CLCA2: variants seen among roughly 807,000 people sequenced by gnomAD.
CLCA2 encodes the protein chloride channel accessory 2.
CLCA2 carries 85 observed loss-of-function variants against 82.9 expected under a neutral mutation model. That is an observed-to-expected ratio of 1.03 (90% CI 0.86 to 1.23). The LOEUF (loss-of-function observed/expected upper bound fraction) is 1.23. Among genes scored for constraint, CLCA2 ranks in the 50% most tolerant of loss-of-function variants. CLCA2 has a pLI of 0.00. For synonymous variants in CLCA2, 421 were observed against 391.7 expected (o/e 1.07, Z -0.88); for missense variants, 1,089 against 1,124.8 (o/e 0.97, Z 0.45).
intron 10 of CLCA2, among the ~76,000 whole-genome samples, chr1:86,446,250 C>T (rs1034937131): frequency 1.5e-5 from 2 of 136,012 alleles, no homozygotes; most frequent in African/African-American, 5.4e-5. Flanking sequence ...GATGGAGTCT[C>T]GCTCTGTCAC....
chr1:86,428,651 C>T, intron 3 of CLCA2, 83 bp downstream of exon 3: 1 of 1,485,924 alleles, frequency 6.7e-7, no homozygotes, highest in African/African-American at 1.4e-5. Flanking sequence ...GACTCACTCA[C>T]AAAACCTGAA....
intron 11 of CLCA2, among the ~76,000 whole-genome samples, chr1:86,448,627 C>A (rs940086366): frequency 5.3e-5 from 8 of 152,202 alleles, no homozygotes; most frequent in Non-Finnish European, 1.2e-4. Context: ...TATTCTTTTG[C>A]CCTGTTGTTT....
intron 6 of CLCA2, among the ~76,000 whole-genome samples, chr1:86,437,864 CA>C (rs1558108702): frequency 6.6e-6 from 1 of 151,562 alleles, no homozygotes; most frequent in African/African-American, 2.4e-5. Flanking sequence ...AGTGCTTACT[CA>C]GTATCCATTT....
In CLCA2 at chr1:86,455,692, G is replaced by A. The variant is rs1663064002; in HGVS notation, c.*165G>A. On this transcript the variant is annotated 3_prime_UTR_variant, in exon 14 of 14. Transcript: ENST00000370565. ...ATGGTAGATCAACAAATTCTTTTTG[G>A]GGGTAGATTAGAAAACCCTTACACT... The A allele has an allele frequency of 2.5e-6, 1 of 407,250 alleles. No individual in the cohort carries two copies. The highest frequency in any genetic ancestry group is 3.7e-5 in the East Asian group (1 of 26,798). 25.2% of individuals were successfully genotyped at this position (407,250 alleles called of 1,614,324 possible). A position where few individuals can be genotyped will look rare whatever the true frequency, so the allele number is the denominator to read the frequency against.
rs2275001 is a variant in CLCA2, at chr1:86,447,582, C to T, written c.1788C>T (p.Arg596=). 450,750 of 1,613,796 alleles carry T rather than the reference C, an allele frequency of 0.28. 64,791 individuals are homozygous for T. The highest frequency in any genetic ancestry group is 0.36 in the East Asian group (16,313 of 44,854). ...CCCTGAAAGTGACAGTGACCTCTCG[C>T]GCCTCCAACTCAGCTGTGCCCCCAG... is the stretch of plus-strand genomic sequence containing the variant. ...LQALKVTVTS[R]ASNSAVPPAT... Residue 596 remains arginine (R), a synonymous_variant, in exon 11 of 14, where the codon CGC becomes CGT. Transcript: ENST00000370565.
chr1:86,445,615 A>C (rs1427080252), intron 10 of CLCA2: 1 of 152,052 alleles, frequency 6.6e-6, no homozygotes, highest in Non-Finnish European at 1.5e-5. Context: ...AGGAGGGAAG[A>C]ATCCCCTCTC....
In CLCA2 at chr1:86,425,321, T is replaced by C; in HGVS notation, c.187-18T>C. On this transcript the variant is annotated intron_variant, in intron 1 of 13. Transcript: ENST00000370565. Reference sequence around the variant, plus strand: ...ATTTACAAGTGGTAAAGTAAGTTTTTCTTTTGTCTGGCTGTAGGAAATGAT... The same window carrying C: ...ATTTACAAGTGGTAAAGTAAGTTTTCCTTTTGTCTGGCTGTAGGAAATGAT... The C allele has an allele frequency of 6.5e-7, 1 of 1,531,428 alleles. No individual in the cohort carries two copies. The highest frequency in any genetic ancestry group is 8.8e-7 in the Non-Finnish European group (1 of 1,139,354). The allele number at this position is 1,531,428 out of a possible 1,614,324, so 94.9% of individuals were successfully genotyped here.
In CLCA2 at chr1:86,428,466, T is replaced by C; in HGVS notation, c.373T>C (p.Tyr125His). 1 of 1,613,474 alleles carries C rather than the reference T, an allele frequency of 6.2e-7. No individual in the cohort carries two copies. The highest frequency in any genetic ancestry group is 8.5e-7 in the Non-Finnish European group (1 of 1,179,612). Residue 125 changes from tyrosine to histidine, a missense_variant, in exon 3 of 14, where the codon TAC (tyrosine) becomes CAC (histidine). Coordinates refer to ENST00000370565, the MANE Select transcript of CLCA2 (RefSeq NM_006536.7). ...GTATGGGGCACATGGAGATGATCCATACACCCTACAATACAGAGGGTGTGG... is the reference window on the plus strand; with the variant it reads ...GTATGGGGCACATGGAGATGATCCACACACCCTACAATACAGAGGGTGTGG... ...DWYGAHGDDPYTLQYRGCGKE... is the reference protein window; with the variant it reads ...DWYGAHGDDPHTLQYRGCGKE...
rs201879887 is a variant in CLCA2, at chr1:86,438,914, T to G, written c.1011T>G (p.Phe337Leu). Residue 337 changes from phenylalanine (F) to leucine (L), a missense_variant, in exon 7 of 14, where the codon TTT becomes TTG. Physicochemically the swap from Phe to Leu is conservative, Grantham distance 22 (BLOSUM62 0). Coordinates refer to ENST00000370565, the MANE Select transcript of CLCA2 (RefSeq NM_006536.7). ...RLLQLQQAAE[F>L]YLMQIVEIHT... is the part of the protein sequence containing the mutation. ...TTCAACTACAACAAGCCGCAGAATT[T>G]TATTTGATGCAGATTGTTGAAATTC... is the stretch of plus-strand genomic sequence containing the variant. The G allele has an allele frequency of 3.0e-4, 480 of 1,614,126 alleles. 4 individuals carry two copies. In the Admixed American group the frequency reaches 5.3e-3, roughly 18 times the overall value.
chr1:86,443,865 G>C lies in CLCA2; in HGVS notation c.1567G>C (p.Asp523His). The C allele has an allele frequency of 6.2e-7, 1 of 1,614,004 alleles. No homozygotes were observed. The highest frequency in any genetic ancestry group is 8.5e-7 in the Non-Finnish European group (1 of 1,179,940). The change falls in exon 10 of 14, where the codon GAC (aspartate) becomes CAC (histidine). Residue 523 changes from aspartate (D) to histidine (H), a missense_variant. By Grantham distance (81) the Asp-to-His change is moderately conservative (BLOSUM62 -1). Coordinates refer to ENST00000370565, the MANE Select transcript of CLCA2 (RefSeq NM_006536.7). ...TVTVDNTVGN[D>H]TMFLVTWQAS... The stretch of plus-strand genomic sequence containing the variant: ...GACTGTGGATAATACTGTGGGCAAC[G>C]ACACTATGTTTCTAGTTACGTGGCA...
In CLCA2 at chr1:86,428,465, A is replaced by T. The variant is rs995606340; in HGVS notation, c.372A>T (p.Pro124=). Reference sequence around the variant, plus strand: ...GGTATGGGGCACATGGAGATGATCCATACACCCTACAATACAGAGGGTGTG... The same window carrying T: ...GGTATGGGGCACATGGAGATGATCCTTACACCCTACAATACAGAGGGTGTG... The part of the protein sequence containing the change: ...TDWYGAHGDD[P]YTLQYRGCGK... Residue 124 remains proline, a synonymous_variant, in exon 3 of 14, where the codon CCA becomes CCT. Coordinates refer to ENST00000370565, the MANE Select transcript of CLCA2 (RefSeq NM_006536.7). 2 of 1,613,428 alleles carry T rather than the reference A, an allele frequency of 1.2e-6. No individual in the cohort carries two copies. Among genetic ancestry groups the T allele is most frequent in the African/African-American group, 2.7e-5 (2 of 74,902 alleles).
Position 86,455,681 on chromosome 1 carries a change from A to T in CLCA2, c.*154A>T. 1 of 430,862 alleles carries T rather than the reference A, an allele frequency of 2.3e-6. No individual in the cohort carries two copies. Among genetic ancestry groups the T allele is most frequent in the Non-Finnish European group, 3.9e-6 (1 of 257,450 alleles). 26.7% of individuals were successfully genotyped at this position (430,862 alleles called of 1,614,324 possible). ...AAGATTTTTACATGGTAGATCAACA[A>T]ATTCTTTTTGGGGGTAGATTAGAAA... On this transcript the variant is annotated 3_prime_UTR_variant, in exon 14 of 14. Coordinates refer to ENST00000370565, the MANE Select transcript of CLCA2 (RefSeq NM_006536.7).
chr1:86,431,050 C>A, intron 4 of CLCA2, 80 bp downstream of exon 4: 2 of 976,706 alleles, frequency 2.0e-6, no homozygotes, highest in Non-Finnish European at 1.5e-6. Context: ...TAAATAATTG[C>A]CTAATTTAAG....
intron 5 of CLCA2, among the ~76,000 whole-genome samples, chr1:86,433,015 A>G (rs1662531362): frequency 6.6e-6 from 1 of 152,250 alleles, no homozygotes; most frequent in African/African-American, 2.4e-5. Context: ...TCAATATTCC[A>G]TGCTAACTAA....
At position 86,425,805 on chromosome 1, in the gene CLCA2, T is replaced by A. The variant is rs1195176582; in HGVS notation, c.324+329T>A. Among the ~76,000 whole-genome samples, 6 of 152,160 alleles carry A rather than the reference T, an allele frequency of 3.9e-5. No individual in the cohort carries two copies. The East Asian group carries it at 1.2e-3, about 29-fold the overall frequency. Reference sequence around the variant, plus strand: ...TGAGGATGAGCTGCAAAGGGAACAGTTCCAATTATGACTATACCCATTTAC... The same window carrying A: ...TGAGGATGAGCTGCAAAGGGAACAGATCCAATTATGACTATACCCATTTAC... On this transcript the variant is annotated intron_variant, in intron 2 of 13. Transcript: ENST00000370565.
chr1:86,432,232 CG>C, intron 4 of CLCA2, 136 bp from the exon 5 acceptor site: 1 of 952,070 alleles, frequency 1.1e-6, no homozygotes, highest in Admixed American at 2.7e-5. Flanking sequence ...CACAGCACCC[CG>C]CCAGTAGAGC....
At position 86,430,937 on chromosome 1, in the gene CLCA2, A is replaced by T. The variant is rs746534977; in HGVS notation, c.551A>T (p.Tyr184Phe). ...FDEYNNDKPF[Y>F]INGQNQIKVT... The stretch of plus-strand genomic sequence containing the variant: ...GAGTATAACAATGACAAACCTTTCT[A>T]CATAAATGGGCAAAATCAAATTAAA... The change falls in exon 4 of 14, where the codon TAC becomes TTC. Residue 184 changes from tyrosine (Y) to phenylalanine (F), a missense_variant. Physicochemically the swap from Tyr to Phe is conservative, Grantham distance 22. Coordinates refer to ENST00000370565, the MANE Select transcript of CLCA2 (RefSeq NM_006536.7). 4 of 1,613,208 alleles carry T rather than the reference A, an allele frequency of 2.5e-6. No homozygotes were observed. Among genetic ancestry groups the T allele is most frequent in the Non-Finnish European group, 3.4e-6 (4 of 1,179,516 alleles).
intron 3 of CLCA2, among the ~76,000 whole-genome samples, chr1:86,430,159 G>C (rs2101691663): frequency 6.6e-6 from 1 of 152,256 alleles, no homozygotes; most frequent in East Asian, 1.9e-4. Context: ...GCTTATATGG[G>C]AAAGCTGTGG....
chr1:86,435,560 G>A (rs988616480), intron 6 of CLCA2, among the ~76,000 whole-genome samples: 3 of 152,166 alleles, frequency 2.0e-5, no homozygotes, highest in African/African-American at 7.2e-5. Flanking sequence ...CCACAATCAG[G>A]CAGCTGTGTT....
Sources: allele counts gnomAD v4.1 joint callset (sites outside exome capture counted in the v4.1 genomes callset), GRCh38; gene constraint gnomAD v4.1.1; transcripts MANE v1.5; gene names NCBI Gene and HGNC (gene_info 2026-07-23, HGNC 2026-07-21).